Variants in EFNA5 observed in about 807,000 individuals in gnomAD.
EFNA5 encodes ephrin A5, also known as ephrin-A5.
In EFNA5, 5 loss-of-function variants were observed where a neutral mutation model predicts 22.9. That is an observed-to-expected ratio of 0.22 (90% CI 0.11 to 0.46). The LOEUF is 0.46. EFNA5 is among the 20% of genes least tolerant of loss of function. The probability of loss-of-function intolerance (pLI) is 0.99; values close to 1 mark genes in which losing one functional copy is unlikely to be tolerated. For synonymous variants in EFNA5, 113 were observed against 112.2 expected (o/e 1.01, Z -0.04); for missense variants, 237 against 293.3 (o/e 0.81, Z 1.40).
intron 1 of EFNA5, among the ~76,000 whole-genome samples, chr5:107,548,367 T>G (rs1362067145): frequency 1.3e-5 from 2 of 152,354 alleles, no homozygotes; most frequent in African/African-American, 4.8e-5. Context: ...ATATCACATA[T>G]GCAATGCTAC....
At chr5:107,490,324 T>A (rs1746769799) in intron 1 of EFNA5, among the ~76,000 whole-genome samples, 1 of 152,120 alleles carries the variant, frequency 6.6e-6, no homozygotes, top group African/African-American at 2.4e-5. Flanking sequence ...TCCAACTCCC[T>A]AGCTCATGGG....
At position 107,670,666 on chromosome 5, in the gene EFNA5, G is replaced by A; in HGVS notation, c.-53C>T. The stretch of plus-strand genomic sequence containing the variant: ...ACGCGCCACTCCGGGGAGAGAGCGG[G>A]GATCCGGAGGGAGGGAGGCAGGCAA... On this transcript the variant is annotated 5_prime_UTR_variant, in exon 1 of 5. Coordinates refer to ENST00000333274, the MANE Select transcript of EFNA5 (RefSeq NM_001962.3). 1 of 1,575,404 alleles carries A rather than the reference G, an allele frequency of 6.3e-7. No homozygotes were observed. Among genetic ancestry groups the A allele is most frequent in the Non-Finnish European group, 8.6e-7 (1 of 1,161,528 alleles).
chr5:107,654,931 A>T (rs1025243602), intron 1 of EFNA5, among the ~76,000 whole-genome samples: 14 of 152,074 alleles, frequency 9.2e-5, no homozygotes, highest in Non-Finnish European at 1.5e-4. Flanking sequence ...TTAAGCTGCA[A>T]CTCAATCCAA....
intron 1 of EFNA5, among the ~76,000 whole-genome samples, chr5:107,572,230 CT>C (rs1235211246): frequency 8.6e-5 from 13 of 152,010 alleles, no homozygotes; most frequent in Non-Finnish European, 1.8e-4. Flanking sequence ...CCTCTTGGTC[CT>C]GCGCCAGACA....
intron 1 of EFNA5, among the ~76,000 whole-genome samples, chr5:107,660,261 C>CATAT (rs56838945): frequency 0.015 from 798 of 52,194 alleles, 40 homozygotes; most frequent in Non-Finnish European, 0.021. Context: ...ATGGCAAAAA[C>CATAT]ATATATATAT....
chr5:107,473,756 G>A (rs562274867), intron 1 of EFNA5, among the ~76,000 whole-genome samples: 15 of 151,824 alleles, frequency 9.9e-5, no homozygotes, highest in Non-Finnish European at 2.2e-4. Flanking sequence ...TGCCTCCCGG[G>A]TTCAAGTGAT....
chr5:107,658,988 T>C (rs1244945306), intron 1 of EFNA5, among the ~76,000 whole-genome samples: 1 of 152,150 alleles, frequency 6.6e-6, no homozygotes, highest in Non-Finnish European at 1.5e-5. Context: ...GTCAAATAAA[T>C]CTACATGTGC....
intron 1 of EFNA5, among the ~76,000 whole-genome samples, chr5:107,628,701 G>A (rs753378012): frequency 1.3e-5 from 2 of 152,104 alleles, no homozygotes; most frequent in Non-Finnish European, 2.9e-5. Flanking sequence ...AACTCAAAGA[G>A]GGAATATGAA....
chr5:107,660,332 G>T (rs1474957408), intron 1 of EFNA5, among the ~76,000 whole-genome samples: 3 of 117,060 alleles, frequency 2.6e-5, no homozygotes, highest in Non-Finnish European at 3.5e-5. Context: ...AGTGGGGGAG[G>T]TTCTGTTCTT....
chr5:107,611,152 G>A (rs1216953201), intron 1 of EFNA5, among the ~76,000 whole-genome samples: 1 of 152,044 alleles, frequency 6.6e-6, no homozygotes, highest in East Asian at 1.9e-4. Context: ...TAGCAACACA[G>A]CTTTATCACT....
At chr5:107,437,918 C>G (rs1005311049) in intron 1 of EFNA5, among the ~76,000 whole-genome samples, 7 of 152,136 alleles carry the variant, frequency 4.6e-5, no homozygotes, top group Admixed American at 3.9e-4. Context: ...GAAAATTATG[C>G]CTAACCAAGT....
intron 4 of EFNA5, 101 bp from the exon 5 acceptor site, chr5:107,381,477 A>G: frequency 7.4e-7 from 1 of 1,351,356 alleles, no homozygotes; most frequent in Non-Finnish European, 9.9e-7. Context: ...TCTGCAAAGT[A>G]GGGTAATGAA....
intron 1 of EFNA5, among the ~76,000 whole-genome samples, chr5:107,538,846 A>G (rs979185225): frequency 6.6e-6 from 1 of 152,166 alleles, no homozygotes; most frequent in Non-Finnish European, 1.5e-5. Flanking sequence ...GGGTTGGAGG[A>G]GAATGTGTAC....
At chr5:107,457,171 A>C (rs185415493) in intron 1 of EFNA5, among the ~76,000 whole-genome samples, 160 of 152,246 alleles carry the variant, frequency 1.1e-3, no homozygotes, top group Middle Eastern at 3.4e-3. Context: ...GTGAATTTAA[A>C]ATTCCAAATG....
chr5:107,532,414 G>C (rs925789846), intron 1 of EFNA5, among the ~76,000 whole-genome samples: 2 of 152,196 alleles, frequency 1.3e-5, no homozygotes, highest in African/African-American at 4.8e-5. Flanking sequence ...CTTCACAACT[G>C]TCCAGAAATC....
chr5:107,470,302 C>G (rs745556571), intron 1 of EFNA5, among the ~76,000 whole-genome samples: 1 of 152,192 alleles, frequency 6.6e-6, no homozygotes, highest in African/African-American at 2.4e-5. Flanking sequence ...TAGGGCTTAT[C>G]TGAATAGCCA....
In EFNA5 at chr5:107,379,416, C is replaced by T. The variant is rs1747370399; in HGVS notation, c.*1839G>A. Reference sequence around the variant, plus strand: ...CGACCTTCTCTTTTTTTAACATATACATCTTAAAAAACAAATATATAAAAA... The same window carrying T: ...CGACCTTCTCTTTTTTTAACATATATATCTTAAAAAACAAATATATAAAAA... On this transcript the variant is annotated 3_prime_UTR_variant, in exon 5 of 5. Coordinates refer to ENST00000333274, the MANE Select transcript of EFNA5 (RefSeq NM_001962.3). 6.6e-6 allele frequency: 1 copy of T among 151,956 alleles called. No homozygotes were observed. 9.4% of individuals were successfully genotyped at this position (151,956 alleles called of 1,614,324 possible). A position where few individuals can be genotyped will look rare whatever the true frequency, so the allele number is the denominator to read the frequency against.
At chr5:107,556,843 AC>A (rs1748432423) in intron 1 of EFNA5, among the ~76,000 whole-genome samples, 1 of 152,014 alleles carries the variant, frequency 6.6e-6, no homozygotes, top group African/African-American at 2.4e-5. Context: ...AGAGGAAGTC[AC>A]CTGAACAAAT....
intron 1 of EFNA5, among the ~76,000 whole-genome samples, chr5:107,647,569 A>T (rs1750651826): frequency 6.6e-6 from 1 of 152,204 alleles, no homozygotes; most frequent in South Asian, 2.1e-4. Context: ...AGATTCCACA[A>T]AAGTTCAACT....
Sources: gnomAD v4.1 joint callset for allele counts (sites outside exome capture counted in the v4.1 genomes callset) on GRCh38, gnomAD v4.1.1 for gene constraint, MANE v1.5 for transcripts, NCBI Gene and HGNC (gene_info 2026-07-23, HGNC 2026-07-21) for gene names.